The following GMDS variants were observed in gnomAD, a reference collection of about 807,000 sequenced individuals.
GMDS encodes the protein GDP-mannose 4,6-dehydratase.
A neutral mutation model predicts 49.9 loss-of-function variants in GMDS; 20 were observed. The observed-to-expected ratio is 0.40, with a 90% confidence interval of 0.28 to 0.58. GMDS has a LOEUF of 0.58. Among genes scored for constraint, GMDS ranks in the 20% least tolerant of loss-of-function variants. GMDS has a pLI of 0.42. For synonymous variants in GMDS, 177 were observed against 178.6 expected (o/e 0.99, Z 0.07); for missense variants, 362 against 481.4 (o/e 0.75, Z 2.32).
chr6:1,657,051 G>A (rs906230069), intron 9 of GMDS, among the ~76,000 whole-genome samples: 2 of 152,186 alleles, frequency 1.3e-5, no homozygotes, highest in African/African-American at 4.8e-5. Context: ...GCTCCTTGGT[G>A]TGGGGACAGC....
chr6:2,190,927 G>A (rs148868182), intron 1 of GMDS, among the ~76,000 whole-genome samples: 8 of 152,158 alleles, frequency 5.3e-5, no homozygotes, highest in Non-Finnish European at 8.8e-5. Context: ...GGCAGGACCC[G>A]CTCCCAGGCC....
chr6:1,856,206 T>C (rs1477141890), intron 7 of GMDS, among the ~76,000 whole-genome samples: 1 of 152,222 alleles, frequency 6.6e-6, no homozygotes, highest in Non-Finnish European at 1.5e-5. Context: ...TATGTGTCTT[T>C]AAAATACCCT....
At chr6:2,216,063 T>C (rs1457460679) in intron 1 of GMDS, among the ~76,000 whole-genome samples, 1 of 152,192 alleles carries the variant, frequency 6.6e-6, no homozygotes, top group African/African-American at 2.4e-5. Context: ...ATGTGGGGGC[T>C]CACTATACTA....
chr6:2,083,825 T>C (rs567023361), intron 4 of GMDS, among the ~76,000 whole-genome samples: 2 of 152,338 alleles, frequency 1.3e-5, no homozygotes, highest in East Asian at 3.9e-4. Context: ...TCCTGACAGA[T>C]ATACTCAAGT....
intron 9 of GMDS, among the ~76,000 whole-genome samples, chr6:1,680,881 T>C (rs1368388851): frequency 6.6e-6 from 1 of 152,166 alleles, no homozygotes; most frequent in Non-Finnish European, 1.5e-5. Flanking sequence ...CAGCTTTTCA[T>C]GACAGGTTAC....
intron 8 of GMDS, among the ~76,000 whole-genome samples, chr6:1,734,376 C>A (rs1581523410): frequency 6.6e-6 from 1 of 152,196 alleles, no homozygotes. Flanking sequence ...TATCGTGGGG[C>A]CCTTATGAAT....
chr6:1,923,477 C>T (rs754781998), intron 7 of GMDS, among the ~76,000 whole-genome samples: 1 of 152,220 alleles, frequency 6.6e-6, no homozygotes, highest in Non-Finnish European at 1.5e-5. Flanking sequence ...TGTACCACAG[C>T]AACACTCACA....
intron 9 of GMDS, among the ~76,000 whole-genome samples, chr6:1,650,943 T>C (rs1454955656): frequency 6.6e-6 from 1 of 152,222 alleles, no homozygotes; most frequent in Admixed American, 6.5e-5. Flanking sequence ...ACAGTCTTGT[T>C]AGATTGAAAA....
chr6:1,907,805 C>A (rs1161420216), intron 7 of GMDS, among the ~76,000 whole-genome samples: 2 of 152,154 alleles, frequency 1.3e-5, no homozygotes, highest in Non-Finnish European at 2.9e-5. Flanking sequence ...ATAAAAGAGA[C>A]AATAACTGGC....
chr6:2,153,495 A>G (rs954582440), intron 1 of GMDS, among the ~76,000 whole-genome samples: 16 of 152,224 alleles, frequency 1.1e-4, no homozygotes, highest in Admixed American at 4.6e-4. Context: ...AAAAGTAAAC[A>G]TAACAACAGT....
intron 4 of GMDS, among the ~76,000 whole-genome samples, chr6:1,966,965 C>A (rs777115682): frequency 2.0e-5 from 3 of 152,130 alleles, no homozygotes; most frequent in East Asian, 3.9e-4. Context: ...AGTCCTCCCC[C>A]ACCTGGCACC....
At chr6:1,706,388 A>G (rs1216571611) in intron 9 of GMDS, among the ~76,000 whole-genome samples, 2 of 152,172 alleles carry the variant, frequency 1.3e-5, no homozygotes, top group African/African-American at 4.8e-5. Context: ...GAGTCAAGGG[A>G]AGTGTCCATG....
chr6:2,230,937 T>TCCCCCCCCCCC (rs1394372739), intron 1 of GMDS, among the ~76,000 whole-genome samples: 1 of 20,594 alleles, frequency 4.9e-5, no homozygotes, highest in Non-Finnish European at 8.7e-5. Flanking sequence ...TCTTCCCCCC[T>TCCCCCCCCCCC]CCCACCCCCC....
chr6:1,685,502 A>C (rs1764946592), intron 9 of GMDS, among the ~76,000 whole-genome samples: 1 of 152,184 alleles, frequency 6.6e-6, no homozygotes, highest in African/African-American at 2.4e-5. Flanking sequence ...TTAATTAAAA[A>C]AAACTGTTTA....
chr6:2,064,823 G>A (rs1009169218), intron 4 of GMDS, among the ~76,000 whole-genome samples: 3 of 152,270 alleles, frequency 2.0e-5, no homozygotes, highest in African/African-American at 2.4e-5. Context: ...CACTTACAGA[G>A]TGCTTTTGGG....
intron 9 of GMDS, among the ~76,000 whole-genome samples, chr6:1,696,675 G>T (rs1394268335): frequency 2.0e-5 from 3 of 152,238 alleles, no homozygotes; most frequent in Non-Finnish European, 2.9e-5. Flanking sequence ...GCTCAGAGGG[G>T]TTAAAAGATG....
At chr6:2,018,443 T>G (rs570768978) in intron 4 of GMDS, among the ~76,000 whole-genome samples, 1 of 152,314 alleles carries the variant, frequency 6.6e-6, no homozygotes, top group East Asian at 1.9e-4. Context: ...CTTCAGAACA[T>G]TTCTAACACT....
At chr6:1,837,982 A>AT (rs929360541) in intron 7 of GMDS, among the ~76,000 whole-genome samples, 12 of 152,134 alleles carry the variant, frequency 7.9e-5, no homozygotes, top group Admixed American at 6.5e-4. Context: ...AAGCATTGCT[A>AT]TTTTTTTAAG....
chr6:2,159,519 T>TC (rs1051250279), intron 1 of GMDS, among the ~76,000 whole-genome samples: 7 of 138,858 alleles, frequency 5.0e-5, no homozygotes, highest in African/African-American at 1.6e-4. Context: ...TTTTTCTTTT[T>TC]TTTTTTTTTT....
Sources: allele counts gnomAD v4.1 joint callset (sites outside exome capture counted in the v4.1 genomes callset), GRCh38; gene constraint gnomAD v4.1.1; transcripts MANE v1.5; gene names NCBI Gene and HGNC (gene_info 2026-07-23, HGNC 2026-07-21).